Variants in CRX observed in about 807,000 individuals in gnomAD.
CRX encodes the protein cone-rod homeobox.
Under a neutral mutation model 13.1 loss-of-function variants are expected in CRX, and 5 were observed. The ratio of observed to expected loss-of-function variants is 0.38; its 90% CI spans 0.20 to 0.80. The LOEUF is 0.80. Among genes scored for constraint, CRX ranks in the 30% least tolerant of loss-of-function variants. The pLI, the probability that CRX is intolerant of heterozygous loss-of-function variation, is 0.43. For synonymous variants in CRX, 179 were observed against 171.1 expected (o/e 1.05, Z -0.36); for missense variants, 351 against 391.8 (o/e 0.90, Z 0.88).
rs775167405 is a variant in CRX at position 47,834,502 on chromosome 19, GC to G, written c.63del (p.Ser22ValfsTer4). 1 of 1,614,148 alleles carries G rather than the reference GC, an allele frequency of 6.2e-7. No homozygotes were observed. The highest frequency in any genetic ancestry group is 1.1e-5 in the South Asian group (1 of 91,076). On this transcript the variant is annotated frameshift_variant, in exon 2 of 4. Transcript: ENST00000221996. LOFTEE classifies it high-confidence loss of function. ...HYSVNALALS[G>X]PSVDLMHQAV... ...TCTGTCAACGCCTTGGCCCTAAGTG[GC>G]CCCAGTGTGGATCTGATGCACCAGG... is the stretch of plus-strand genomic sequence containing the variant.
chr19:47,826,978 A>T (rs1967981705), intron 1 of CRX, among the ~76,000 whole-genome samples: 1 of 151,468 alleles, frequency 6.6e-6, no homozygotes, highest in Non-Finnish European at 1.5e-5. Context: ...TGCCACATAG[A>T]CCTCTCCGTG....
intron 1 of CRX, among the ~76,000 whole-genome samples, chr19:47,826,299 A>T (rs548662199): frequency 6.6e-6 from 1 of 151,046 alleles, no homozygotes; most frequent in South Asian, 2.1e-4. Flanking sequence ...GAGCCTGAAG[A>T]TGTTCTCTAA....
intron 3 of CRX, among the ~76,000 whole-genome samples, chr19:47,837,168 G>T (rs12985824): frequency 2.0e-5 from 3 of 151,910 alleles, no homozygotes; most frequent in Admixed American, 6.6e-5. Context: ...TGGATGGATG[G>T]GTATATTTAT....
At position 47,832,105 on chromosome 19, in the gene CRX, G is replaced by GTTTTTTT. The variant is rs71180891; in HGVS notation, c.-35-2292_-35-2286dup. Among the ~76,000 whole-genome samples, 28 of 91,982 alleles carry GTTTTTTT rather than the reference G, an allele frequency of 3.0e-4. 5 individuals are homozygous for GTTTTTTT. Among genetic ancestry groups the GTTTTTTT allele is most frequent in the South Asian group, 1.2e-3 (3 of 2,498 alleles). The allele number at this position is 91,982 out of a possible 152,430, so 60.3% of individuals were successfully genotyped here. ...AAATCAGTTCAGAGAGCAGCCTTAT[G>GTTTTTTT]TTTTTTTTTTTTTTTTTTGAGACGG... On this transcript the variant is annotated intron_variant, in intron 1 of 3. Coordinates refer to ENST00000221996, the MANE Select transcript of CRX (RefSeq NM_000554.6).
At chr19:47,828,997 AG>A (rs1968011718) in intron 1 of CRX, among the ~76,000 whole-genome samples, 1 of 152,088 alleles carries the variant, frequency 6.6e-6, no homozygotes, top group Non-Finnish European at 1.5e-5. Flanking sequence ...ATTCCTTCCC[AG>A]AGGCAGTCAC....
At position 47,839,257 on chromosome 19, in the gene CRX, C is replaced by T; in HGVS notation, c.253-63C>T. ...CAATAAGTGTCCTCATCCCCGGGCA[C>T]CCTGCGGCTCTCCTGGGCCTCTTCC... On this transcript the variant is annotated intron_variant, in intron 3 of 3. Transcript: ENST00000221996. The surrounding 1 kb of genome is among the most constrained non-coding windows in gnomAD (Gnocchi z 4.6). 2 of 1,555,006 alleles carry T rather than the reference C, an allele frequency of 1.3e-6. No individual in the cohort carries two copies. The highest frequency in any genetic ancestry group is 2.4e-5 in the South Asian group (2 of 84,044).
At chr19:47,825,686 G>C (rs916719036) in intron 1 of CRX, among the ~76,000 whole-genome samples, 1 of 151,580 alleles carries the variant, frequency 6.6e-6, no homozygotes, top group Non-Finnish European at 1.5e-5. Context: ...TAGGGAGGCC[G>C]AGGTGGGCGG....
Position 47,839,250 on chromosome 19 carries a change from C to T in CRX, c.253-70C>T, listed in dbSNP as rs1016733457. On this transcript the variant is annotated intron_variant, in intron 3 of 3. Transcript: ENST00000221996. This position sits in a 1 kb window ranked among gnomAD's most constrained non-coding sequence, Gnocchi z 4.6. ...CTCTCACCAATAAGTGTCCTCATCC[C>T]CGGGCACCCTGCGGCTCTCCTGGGC... 43 of 1,532,524 alleles carry T rather than the reference C, an allele frequency of 2.8e-5. No individual in the cohort carries two copies. The highest frequency in any genetic ancestry group is 3.0e-5 in the Non-Finnish European group (34 of 1,131,016). The allele number at this position is 1,532,524 out of a possible 1,614,324, so 94.9% of individuals were successfully genotyped here. A position where few individuals can be genotyped will look rare whatever the true frequency, so the allele number is the denominator to read the frequency against.
At position 47,842,492 on chromosome 19, in the gene CRX, G is replaced by C. The variant is rs1212001013; in HGVS notation, c.*2525G>C. 1.3e-5 allele frequency: 2 copies of C among 152,386 alleles called. No homozygotes were observed. The highest frequency in any genetic ancestry group is 4.8e-5 in the African/African-American group (2 of 41,466). The allele number at this position is 152,386 out of a possible 1,614,324, so 9.4% of individuals were successfully genotyped here. On this transcript the variant is annotated 3_prime_UTR_variant, in exon 4 of 4. Transcript: ENST00000221996. ...AGCTACTCGGGAGGCTGAGGCAGGA[G>C]AATTGCTGGAACCCGGGAGGCGGAG...
intron 1 of CRX, among the ~76,000 whole-genome samples, chr19:47,832,931 T>C (rs11083899): frequency 0.75 from 113,953 of 151,970 alleles, 44,597 homozygotes; most frequent in African/African-American, 0.94. Context: ...CATGGGAGTG[T>C]GCCTTTCCCC....
chr19:47,834,441 A>G lies in CRX; in HGVS notation c.-3A>G. 4.3e-6 allele frequency: 7 copies of G among 1,613,460 alleles called. No homozygotes were observed. Among genetic ancestry groups the G allele is most frequent in the Non-Finnish European group, 5.9e-6 (7 of 1,179,392 alleles). ...GACTTGGGCCTCAGTGTCCCCGAAG[A>G]TCATGATGGCGTATATGAACCCGGG... On this transcript the variant is annotated 5_prime_UTR_variant, in exon 2 of 4. Coordinates refer to ENST00000221996, the MANE Select transcript of CRX (RefSeq NM_000554.6).
rs764137500 is a variant in CRX at position 47,839,961 on chromosome 19, C to A, written c.894C>A (p.Ile298=). 1.1e-5 allele frequency: 18 copies of A among 1,613,390 alleles called. No homozygotes were observed. Among genetic ancestry groups the A allele is most frequent in the Non-Finnish European group, 1.5e-5 (18 of 1,180,052 alleles). Residue 298 remains isoleucine, a synonymous_variant, in exon 4 of 4, where the codon ATC becomes ATA. Transcript: ENST00000221996. This position sits in a 1 kb window ranked among gnomAD's most constrained non-coding sequence, Gnocchi z 4.6. The part of the protein sequence containing the change: ...YKDQSAWKFQ[I]L Reference sequence around the variant, plus strand: ...ATCAGAGTGCCTGGAAGTTTCAGATCTTGTAGAGGACGCAGTCTCCATCTC... The same window carrying A: ...ATCAGAGTGCCTGGAAGTTTCAGATATTGTAGAGGACGCAGTCTCCATCTC...
In CRX at chr19:47,841,233, C is replaced by T. The variant is rs1968193069; in HGVS notation, c.*1266C>T. The T allele has an allele frequency of 6.6e-6, 1 of 152,192 alleles. No homozygotes were observed. The highest frequency in any genetic ancestry group is 1.5e-5 in the Non-Finnish European group (1 of 68,038). 9.4% of individuals were successfully genotyped at this position (152,192 alleles called of 1,614,324 possible). On this transcript the variant is annotated 3_prime_UTR_variant, in exon 4 of 4. Transcript: ENST00000221996. The stretch of plus-strand genomic sequence containing the variant: ...ATCTACATTCATATATGTAGCTATA[C>T]ATATATGTACTTTTTCTTCTTAGTT...
chr19:47,835,039 C>T (rs1335075887), intron 2 of CRX, among the ~76,000 whole-genome samples: 2 of 150,106 alleles, frequency 1.3e-5, no homozygotes, highest in Non-Finnish European at 3.0e-5. Context: ...CTGTTGCCCA[C>T]TCTGAAGTGC....
Position 47,839,373 on chromosome 19 carries a change from A to ACAG in CRX, c.317_319dup (p.Gln106dup), listed in dbSNP as rs750463416. ...GCAGGCAGCAGCGACAGCAGCAGAAACAGCAGCAGCAGCCCCCAGGGGGCC... is the reference window on the plus strand; with the variant it reads ...GCAGGCAGCAGCGACAGCAGCAGAAACAGCAGCAGCAGCAGCCCCCAGGGGGCC... On this transcript the variant is annotated inframe_insertion, in exon 4 of 4. Transcript: ENST00000221996. This position sits in a 1 kb window ranked among gnomAD's most constrained non-coding sequence, Gnocchi z 4.6. 2.5e-6 allele frequency: 4 copies of ACAG among 1,613,588 alleles called. No individual in the cohort carries two copies. The highest frequency in any genetic ancestry group is 3.4e-6 in the Non-Finnish European group (4 of 1,179,778).
Position 47,839,942 on chromosome 19 carries a change from G to A in CRX, c.875G>A (p.Ser292Asn). 6.2e-7 allele frequency: 1 copy of A among 1,613,852 alleles called. No individual in the cohort carries two copies. The highest frequency in any genetic ancestry group is 1.1e-5 in the South Asian group (1 of 91,082). Residue 292 changes from serine (S) to asparagine (N), a missense_variant, in exon 4 of 4, where the codon AGT (serine) becomes AAT (asparagine). Around this residue, in one of 3 missense-constraint regions of CRX, gnomAD observed 253 missense variants for 268.3 expected, o/e 0.94. Transcript: ENST00000221996. This position sits in a 1 kb window ranked among gnomAD's most constrained non-coding sequence, Gnocchi z 4.6. Reference sequence around the variant, plus strand: ...GACCCTCTGGACTACAAGGATCAGAGTGCCTGGAAGTTTCAGATCTTGTAG... The same window carrying A: ...GACCCTCTGGACTACAAGGATCAGAATGCCTGGAAGTTTCAGATCTTGTAG... ...PMDPLDYKDQ[S>N]AWKFQIL
intron 2 of CRX, among the ~76,000 whole-genome samples, chr19:47,835,620 G>GTT (rs34872129): frequency 0.068 from 6,923 of 102,134 alleles, 595 homozygotes; most frequent in African/African-American, 0.15. Context: ...TTTAGCTCTT[G>GTT]TTTTTTTTTT....
chr19:47,826,494 A>G (rs1216188309), intron 1 of CRX, among the ~76,000 whole-genome samples: 2 of 152,130 alleles, frequency 1.3e-5, no homozygotes, highest in Non-Finnish European at 2.9e-5. Flanking sequence ...AGTCCCAGCT[A>G]CTTGGGAGGC....
At position 47,840,123 on chromosome 19, in the gene CRX, C is replaced by T; in HGVS notation, c.*156C>T. 1.3e-6 allele frequency: 1 copy of T among 795,072 alleles called. No homozygotes were observed. The highest frequency in any genetic ancestry group is 2.0e-6 in the Non-Finnish European group (1 of 492,800). The allele number at this position is 795,072 out of a possible 1,614,324, so 49.3% of individuals were successfully genotyped here. On this transcript the variant is annotated 3_prime_UTR_variant, in exon 4 of 4. Coordinates refer to ENST00000221996, the MANE Select transcript of CRX (RefSeq NM_000554.6). ...CGGTGTTCAGCTTACAGAGACCACC[C>T]CTTTCCTCCACAGGGAGAGGCTCCT...
Sources: allele counts gnomAD v4.1 joint callset (sites outside exome capture counted in the v4.1 genomes callset), GRCh38; gene constraint gnomAD v4.1.1; regional missense constraint gnomAD v4.1.1; non-coding constraint Gnocchi (gnomAD v3.1); transcripts MANE v1.5; gene names NCBI Gene and HGNC (gene_info 2026-07-23, HGNC 2026-07-21).